GLIS1: variants seen among roughly 807,000 people sequenced by gnomAD.
GLIS1 encodes the protein GLIS family zinc finger 1, also known as zinc finger protein GLIS1.
In GLIS1, 24 loss-of-function variants were observed where a neutral mutation model predicts 63.8. The observed-to-expected ratio is 0.38, with a 90% CI of 0.27 to 0.53. The LOEUF (loss-of-function observed/expected upper bound fraction) is 0.53. Ranked by LOEUF, GLIS1 falls within the 20% of genes least tolerant of loss-of-function variation. The probability of loss-of-function intolerance (pLI) is 0.85; values close to 1 mark genes in which losing one functional copy is unlikely to be tolerated. For missense variants in GLIS1, 1,036 were observed against 1,074.1 expected, an observed-to-expected ratio of 0.96 and a Z score of 0.50; for synonymous variants, 450 against 482.5, an observed-to-expected ratio of 0.93 and a Z score of 0.88.
chr1:53,716,679 A>G (rs539544653), intron 2 of GLIS1, among the ~76,000 whole-genome samples: 1 of 152,338 alleles, frequency 6.6e-6, no homozygotes, highest in South Asian at 2.1e-4. Context: ...AAAAAGAGTC[A>G]AAGAAACCCT....
chr1:53,609,656 T>C (rs1645406654), intron 2 of GLIS1, among the ~76,000 whole-genome samples: 1 of 152,250 alleles, frequency 6.6e-6, no homozygotes, highest in Non-Finnish European at 1.5e-5. Context: ...ATTATTCCAT[T>C]TTATTAGCTT....
chr1:53,614,167 C>A (rs1213958632), intron 2 of GLIS1, among the ~76,000 whole-genome samples: 1 of 152,196 alleles, frequency 6.6e-6, no homozygotes, highest in Admixed American at 6.5e-5. Context: ...AAAGGAAAGT[C>A]TCTACTCTTA....
intron 2 of GLIS1, among the ~76,000 whole-genome samples, chr1:53,669,406 G>C (rs956358287): frequency 2.6e-5 from 4 of 152,186 alleles, no homozygotes; most frequent in Non-Finnish European, 5.9e-5. Flanking sequence ...TGTGGTCAGC[G>C]AGGGAGAAAT....
intron 2 of GLIS1, among the ~76,000 whole-genome samples, chr1:53,676,769 C>T (rs1646217173): frequency 6.6e-6 from 1 of 152,120 alleles, no homozygotes; most frequent in African/African-American, 2.4e-5. Context: ...TCCAAGAGTG[C>T]CCTCTAATGC....
chr1:53,555,484 C>A (rs574680713), intron 4 of GLIS1, among the ~76,000 whole-genome samples: 215 of 152,176 alleles, frequency 1.4e-3, no homozygotes, highest in Middle Eastern at 3.4e-3. Flanking sequence ...GAGCCAAGAT[C>A]GCGCCACTAC....
chr1:53,600,920 C>A (rs1028770820), intron 2 of GLIS1, among the ~76,000 whole-genome samples: 12 of 152,204 alleles, frequency 7.9e-5, no homozygotes, highest in African/African-American at 2.9e-4. Flanking sequence ...TAGTGGGTTT[C>A]TAGGAAGATT....
At chr1:53,666,855 C>A (rs747488409) in intron 2 of GLIS1, among the ~76,000 whole-genome samples, 17 of 152,138 alleles carry the variant, frequency 1.1e-4, no homozygotes, top group Non-Finnish European at 2.1e-4. Flanking sequence ...TCTTAGTGAT[C>A]TCACCCCTCC....
At chr1:53,726,541 G>A (rs1453457733) in intron 2 of GLIS1, among the ~76,000 whole-genome samples, 1 of 152,076 alleles carries the variant, frequency 6.6e-6, no homozygotes, top group Admixed American at 6.6e-5. Context: ...GAGTCTGACA[G>A]CAACTCCCAG....
At position 53,526,617 on chromosome 1, in the gene GLIS1, G is replaced by A. The variant is rs915285826; in HGVS notation, c.1483-1730C>T. 1.1e-4 allele frequency among the ~76,000 whole-genome samples: 16 copies of A among 152,226 alleles called. No homozygotes were observed. Among genetic ancestry groups the A allele is most frequent in the South Asian group, 6.2e-4 (3 of 4,824 alleles). ...ACCCACGCACGGCACACACACGTGC[G>A]TTCACATGTGCCCAGGCACACACAC... On this transcript the variant is annotated intron_variant, in intron 5 of 10. Transcript: ENST00000628545. The surrounding 1 kb of genome is among the most constrained non-coding windows in gnomAD (Gnocchi z 4.4).
chr1:53,710,518 A>G (rs1040023739), intron 2 of GLIS1, among the ~76,000 whole-genome samples: 3 of 152,252 alleles, frequency 2.0e-5, no homozygotes, highest in Non-Finnish European at 4.4e-5. Flanking sequence ...CTGACTCCAA[A>G]TCACACACCC....
chr1:53,700,536 G>A (rs1026565802), intron 2 of GLIS1, among the ~76,000 whole-genome samples: 4 of 152,192 alleles, frequency 2.6e-5, no homozygotes, highest in African/African-American at 9.7e-5. Flanking sequence ...GTAAATGCAT[G>A]GAGCATGCGT....
intron 4 of GLIS1, among the ~76,000 whole-genome samples, chr1:53,535,285 C>G (rs74086353): frequency 6.6e-6 from 1 of 152,012 alleles, no homozygotes; most frequent in Admixed American, 6.5e-5. Context: ...GACTCTGGTG[C>G]GACTTCTGCT....
intron 2 of GLIS1, among the ~76,000 whole-genome samples, chr1:53,627,731 A>T (rs1049316486): frequency 2.6e-5 from 4 of 152,066 alleles, no homozygotes; most frequent in Non-Finnish European, 5.9e-5. Context: ...TCCACTGGGG[A>T]CCTCCTAAAG....
At chr1:53,558,062 G>A (rs1644850313) in intron 4 of GLIS1, among the ~76,000 whole-genome samples, 1 of 152,190 alleles carries the variant, frequency 6.6e-6, no homozygotes, top group Non-Finnish European at 1.5e-5. Flanking sequence ...AGGTCTGGAG[G>A]GGCTGGCAGT....
intron 2 of GLIS1, among the ~76,000 whole-genome samples, chr1:53,632,088 G>T (rs575643324): frequency 6.6e-6 from 1 of 151,746 alleles, no homozygotes; most frequent in Non-Finnish European, 1.5e-5. Flanking sequence ...GTGTGACTGA[G>T]GGGTGTGTGA....
intron 4 of GLIS1, among the ~76,000 whole-genome samples, chr1:53,588,585 C>A (rs1178704562): frequency 6.6e-6 from 1 of 152,198 alleles, no homozygotes; most frequent in Non-Finnish European, 1.5e-5. Context: ...CTGGGTAATT[C>A]CCTGGGATGA....
At chr1:53,665,492 CA>C (rs1262812067) in intron 2 of GLIS1, among the ~76,000 whole-genome samples, 5 of 151,850 alleles carry the variant, frequency 3.3e-5, no homozygotes, top group African/African-American at 1.2e-4. Context: ...ATCAAGACAG[CA>C]AGTCTAACAG....
intron 2 of GLIS1, among the ~76,000 whole-genome samples, chr1:53,691,084 C>T (rs3013767): frequency 0.65 from 98,789 of 152,052 alleles, 33,699 homozygotes; most frequent in Non-Finnish European, 0.74. Flanking sequence ...GACCAGGCGC[C>T]GTGGCTCATG....
At chr1:53,672,218 AG>A (rs1250349379) in intron 2 of GLIS1, among the ~76,000 whole-genome samples, 1 of 152,198 alleles carries the variant, frequency 6.6e-6, no homozygotes, top group Non-Finnish European at 1.5e-5. Flanking sequence ...GGGGCCTGAG[AG>A]TAGAGTTAGG....
Sources: gnomAD v4.1 joint callset for allele counts (sites outside exome capture counted in the v4.1 genomes callset) on GRCh38, gnomAD v4.1.1 for gene constraint, Gnocchi (gnomAD v3.1) non-coding constraint, MANE v1.5 for transcripts, NCBI Gene and HGNC (gene_info 2026-07-23, HGNC 2026-07-21) for gene names.